The following NTM variants were observed in gnomAD, a reference collection of about 807,000 sequenced individuals.
NTM encodes neurotrimin.
NTM carries 13 observed loss-of-function variants against 42.1 expected under a neutral mutation model. That is an observed-to-expected ratio of 0.31 (90% CI 0.20 to 0.49). NTM has a LOEUF of 0.49. NTM is among the 20% of genes least tolerant of loss of function. The pLI, the probability that NTM is intolerant of heterozygous loss-of-function variation, is 0.99. For missense variants in NTM, 373 were observed against 452.8 expected (o/e 0.82, Z 1.60); for synonymous variants, 187 against 179.2 (o/e 1.04, Z -0.35).
At position 131,370,649 on chromosome 11, in the gene NTM, A is replaced by G. The variant is rs781404962; in HGVS notation, c.-158A>G. On this transcript the variant is annotated 5_prime_UTR_variant, in exon 1 of 9. The change creates a new upstream start codon in the 5' untranslated region. Coordinates refer to ENST00000683400, the MANE Select transcript of NTM (RefSeq NM_001352005.2). ...GTGGAGATAATTACGGAGAAGTCAT[A>G]CTCTCTCACACCCTCGGCTTTCTTG... is the stretch of plus-strand genomic sequence containing the variant. The G allele has an allele frequency of 3.2e-6, 2 of 627,164 alleles. No homozygotes were observed. The highest frequency in any genetic ancestry group is 5.5e-6 in the Non-Finnish European group (2 of 360,788). 38.8% of individuals were successfully genotyped at this position (627,164 alleles called of 1,614,324 possible).
At chr11:131,754,702 T>G (rs2083091459) in intron 1 of NTM, among the ~76,000 whole-genome samples, 1 of 151,912 alleles carries the variant, frequency 6.6e-6, no homozygotes, top group South Asian at 2.1e-4. Context: ...CTAAGACAGA[T>G]AAAATCATAT....
chr11:132,236,069 G>C (rs150385450), intron 4 of NTM, among the ~76,000 whole-genome samples: 2,384 of 151,926 alleles, frequency 0.016, 65 homozygotes, highest in African/African-American at 0.052. Context: ...GAGCCAAATG[G>C]CTGTTTGCAA....
chr11:131,535,844 A>G (rs888296339), intron 1 of NTM: 4 of 152,208 alleles, frequency 2.6e-5, no homozygotes, highest in African/African-American at 9.7e-5. Flanking sequence ...CGCCGAAAAC[A>G]TGGTTGAACG....
At chr11:132,070,565 G>A (rs74648094) in intron 2 of NTM, among the ~76,000 whole-genome samples, 19,328 of 98,740 alleles carry the variant, frequency 0.2, 3,096 homozygotes, top group African/African-American at 0.25. Context: ...TAGTTAACAC[G>A]TCACACAGCC....
intron 1 of NTM, among the ~76,000 whole-genome samples, chr11:131,622,917 G>A (rs1252331355): frequency 6.6e-6 from 1 of 152,154 alleles, no homozygotes; most frequent in African/African-American, 2.4e-5. Context: ...CTTCCGTCCA[G>A]GTGCTCTCAT....
At chr11:131,910,963 A>G (rs1480913173) in intron 1 of NTM, 2 of 994,080 alleles carry the variant, frequency 2.0e-6, no homozygotes, top group African/African-American at 1.7e-5. Context: ...CCCATCTGCT[A>G]TTGTTTCCGA....
intron 2 of NTM, among the ~76,000 whole-genome samples, chr11:132,133,901 G>A (rs569422369): frequency 2.4e-4 from 36 of 152,264 alleles, no homozygotes; most frequent in Admixed American, 6.5e-4. Flanking sequence ...GGCATTTGAG[G>A]GCAGCTACAG....
chr11:131,407,683 G>A (rs1360593921), intron 1 of NTM, among the ~76,000 whole-genome samples: 1 of 152,220 alleles, frequency 6.6e-6, no homozygotes. Flanking sequence ...TCCCTGATGG[G>A]TATAAAGGGG....
chr11:131,602,512 G>A (rs1193114558), intron 1 of NTM, among the ~76,000 whole-genome samples: 1 of 152,122 alleles, frequency 6.6e-6, no homozygotes, highest in Admixed American at 6.5e-5. Flanking sequence ...GTGTTTTCCT[G>A]GCTTGACAAT....
At chr11:131,768,091 T>C (rs959051403) in intron 1 of NTM, among the ~76,000 whole-genome samples, 1 of 151,758 alleles carries the variant, frequency 6.6e-6, no homozygotes, top group Non-Finnish European at 1.5e-5. Context: ...TGACATCAAA[T>C]GTTCATCCAT....
chr11:131,694,135 T>C, intron 1 of NTM, among the ~76,000 whole-genome samples: 1 of 152,210 alleles, frequency 6.6e-6, no homozygotes. Context: ...GAGACAGTAT[T>C]TGCAGATGCT....
In NTM at chr11:131,561,815, G is replaced by A. The variant is rs987896071; in HGVS notation, c.82+190927G>A. Among the ~76,000 whole-genome samples, 3 of 151,980 alleles carry A rather than the reference G, an allele frequency of 2.0e-5. No individual in the cohort carries two copies. In the East Asian group the frequency reaches 5.8e-4, roughly 29 times the overall value. On this transcript the variant is annotated intron_variant, in intron 1 of 8. Transcript: ENST00000683400. ...TCATCCTTCTTCTTCACCTCCTTTTGTTTCCTTTGCCTCATCTATGAAATC... is the reference window on the plus strand; with the variant it reads ...TCATCCTTCTTCTTCACCTCCTTTTATTTCCTTTGCCTCATCTATGAAATC...
At chr11:131,423,367 C>T (rs972079947) in intron 1 of NTM, among the ~76,000 whole-genome samples, 1 of 152,164 alleles carries the variant, frequency 6.6e-6, no homozygotes, top group Non-Finnish European at 1.5e-5. Context: ...CTTTCTAGTT[C>T]TGCTATGATG....
At chr11:132,238,365 C>T (rs367782525) in intron 4 of NTM, among the ~76,000 whole-genome samples, 2 of 152,258 alleles carry the variant, frequency 1.3e-5, no homozygotes, top group Admixed American at 6.5e-5. Context: ...TGGTCCCAAA[C>T]GCCTGGGAAG....
At chr11:131,389,672 A>G (rs1248198240) in intron 1 of NTM, among the ~76,000 whole-genome samples, 2 of 152,224 alleles carry the variant, frequency 1.3e-5, no homozygotes, top group African/African-American at 4.8e-5. Context: ...TTATTATTGA[A>G]AAATTAGAAA....
chr11:132,018,972 A>G (rs2073887403), intron 2 of NTM, among the ~76,000 whole-genome samples: 1 of 151,972 alleles, frequency 6.6e-6, no homozygotes, highest in Non-Finnish European at 1.5e-5. Flanking sequence ...TTCACATTTC[A>G]TATAAATTAT....
rs541676474 is a variant in NTM, at chr11:131,786,601, A to G, written c.83-124963A>G. On this transcript the variant is annotated intron_variant, in intron 1 of 8. Transcript: ENST00000683400. ...TGTAGGGAATTTTTTTTAAAATAGT[A>G]AAACCCAGTGCCAGAGAGCTTGACA... Among the ~76,000 whole-genome samples the G allele has an allele frequency of 7.6e-4, 116 of 152,336 alleles. 1 individual carries two copies. Among genetic ancestry groups the G allele is most frequent in the African/African-American group, 2.7e-3 (112 of 41,582 alleles).
chr11:131,815,848 C>T (rs2092930419), intron 1 of NTM, among the ~76,000 whole-genome samples: 1 of 152,098 alleles, frequency 6.6e-6, no homozygotes, highest in Non-Finnish European at 1.5e-5. Flanking sequence ...CGGGTGGCCG[C>T]GGTGGGAGCG....
At chr11:131,772,334 C>T (rs1264001341) in intron 1 of NTM, among the ~76,000 whole-genome samples, 1 of 152,196 alleles carries the variant, frequency 6.6e-6, no homozygotes, top group Non-Finnish European at 1.5e-5. Flanking sequence ...ATGTGGGAGG[C>T]ACCAACAAGC....
Sources: gnomAD v4.1 joint callset for allele counts (sites outside exome capture counted in the v4.1 genomes callset) on GRCh38, gnomAD v4.1.1 for gene constraint, MANE v1.5 for transcripts, NCBI Gene and HGNC (gene_info 2026-07-23, HGNC 2026-07-21) for gene names.